Variants in C10orf90 observed in about 807,000 individuals in gnomAD.
C10orf90 encodes the protein chromosome 10 open reading frame 90.
A neutral mutation model predicts 62.5 loss-of-function variants in C10orf90; 56 were observed. The observed-to-expected ratio is 0.90, with a 90% confidence interval of 0.72 to 1.12. The LOEUF is 1.12. C10orf90 is among the 50% of genes most tolerant of loss of function. The pLI, the probability that C10orf90 is intolerant of heterozygous loss-of-function variation, is 0.00. For synonymous variants in C10orf90, 386 were observed against 340.4 expected, an observed-to-expected ratio of 1.13 and a Z score of -1.47; for missense variants, 970 against 880.4, an observed-to-expected ratio of 1.10 and a Z score of -1.29.
chr10:126,554,782 T>C (rs1039872525), intron 2 of C10orf90, among the ~76,000 whole-genome samples: 1 of 152,220 alleles, frequency 6.6e-6, no homozygotes, highest in African/African-American at 2.4e-5. Flanking sequence ...TCAAAGACGC[T>C]TTTATTCCAA....
intron 4 of C10orf90, among the ~76,000 whole-genome samples, chr10:126,498,439 C>T (rs1862195920): frequency 6.6e-6 from 1 of 152,194 alleles, no homozygotes; most frequent in Non-Finnish European, 1.5e-5. Context: ...CACTAGCCTC[C>T]TCATACGGGT....
At chr10:126,596,434 G>A (rs115931414) in intron 2 of C10orf90, among the ~76,000 whole-genome samples, 2,796 of 151,890 alleles carry the variant, frequency 0.018, 71 homozygotes, top group African/African-American at 0.062. Context: ...GCAAATATTT[G>A]CATTAAATAT....
intron 2 of C10orf90, among the ~76,000 whole-genome samples, chr10:126,525,412 G>A (rs1009724191): frequency 1.4e-4 from 21 of 152,192 alleles, no homozygotes; most frequent in African/African-American, 5.1e-4. Context: ...CAGCAACAAT[G>A]TGATTCTTGT....
chr10:126,644,935 G>T (rs1846137008), intron 2 of C10orf90, among the ~76,000 whole-genome samples: 1 of 152,152 alleles, frequency 6.6e-6, no homozygotes, highest in Non-Finnish European at 1.5e-5. Flanking sequence ...CTCACTACAG[G>T]CAATTTCTGG....
At chr10:126,526,680 A>G (rs1015118586) in intron 2 of C10orf90, among the ~76,000 whole-genome samples, 16 of 152,156 alleles carry the variant, frequency 1.1e-4, no homozygotes, top group Non-Finnish European at 2.2e-4. Context: ...GAACATTTTC[A>G]TCATCCCCAA....
intron 2 of C10orf90, among the ~76,000 whole-genome samples, chr10:126,629,595 A>C (rs537474100): frequency 2.0e-5 from 3 of 152,328 alleles, no homozygotes; most frequent in African/African-American, 7.2e-5. Flanking sequence ...GAAAGGGGGA[A>C]AGTTTTCAAA....
At chr10:126,569,127 G>T (rs537676686) in intron 2 of C10orf90, among the ~76,000 whole-genome samples, 2 of 152,086 alleles carry the variant, frequency 1.3e-5, no homozygotes, top group Admixed American at 6.5e-5. Context: ...GAGCAGTAGT[G>T]GGGGGTTTCA....
At chr10:126,448,017 CTTTTT>C (rs1186409126) in intron 7 of C10orf90, among the ~76,000 whole-genome samples, 2 of 79,214 alleles carry the variant, frequency 2.5e-5, no homozygotes, top group Admixed American at 1.6e-4. Flanking sequence ...ATGCCTGGCT[CTTTTT>C]TTTTTTTTTT....
chr10:126,549,957 CTT>C (rs1168153149), intron 2 of C10orf90, among the ~76,000 whole-genome samples: 11 of 117,352 alleles, frequency 9.4e-5, no homozygotes, highest in Admixed American at 4.3e-4. Flanking sequence ...GTAAAGCTTT[CTT>C]TTTTTTTTTT....
At chr10:126,647,318 A>G (rs1460266168) in intron 1 of C10orf90, among the ~76,000 whole-genome samples, 2 of 152,150 alleles carry the variant, frequency 1.3e-5, no homozygotes, top group African/African-American at 4.8e-5. Flanking sequence ...AACTGTCCTG[A>G]TGGTCCTGTC....
intron 3 of C10orf90, among the ~76,000 whole-genome samples, chr10:126,512,384 GTCTGTGTGTGTGTGTGTGTC>G (rs57381762): frequency 0.68 from 95,736 of 141,666 alleles, 31,456 homozygotes; most frequent in Middle Eastern, 0.74. Context: ...GTGTGTGTGT[GTCTGTGTGTGTGTGTGTGTC>G]TGTGTGTCTG....
intron 3 of C10orf90, among the ~76,000 whole-genome samples, chr10:126,505,911 G>C (rs1433549458): frequency 6.6e-6 from 1 of 152,164 alleles, no homozygotes; most frequent in Non-Finnish European, 1.5e-5. Context: ...CCAAGATTGT[G>C]CCATTGCACT....
intron 4 of C10orf90, among the ~76,000 whole-genome samples, chr10:126,493,921 A>C (rs753169831): frequency 6.6e-6 from 1 of 152,230 alleles, no homozygotes; most frequent in Admixed American, 6.5e-5. Flanking sequence ...ACACTGTGAC[A>C]TTCAATGGAC....
chr10:126,522,883 G>A (rs1863811272), intron 2 of C10orf90: 1 of 152,178 alleles, frequency 6.6e-6, no homozygotes. Context: ...AGCCTTGGAC[G>A]AGCCACGTAA....
intron 2 of C10orf90, among the ~76,000 whole-genome samples, chr10:126,578,469 C>T (rs1037246807): frequency 6.6e-6 from 1 of 152,140 alleles, no homozygotes; most frequent in Non-Finnish European, 1.5e-5. Context: ...TAAAAAGAAA[C>T]AGTTGGAAAA....
rs1489631046 is a variant in C10orf90 at position 126,504,483 on chromosome 10, TG to T, written c.1007del (p.Pro336HisfsTer29). ...DKETSFSPDT[P>X]LSGKSPLVFS... Reference sequence around the variant, plus strand: ...ACACCAGCGGGCTCTTTCCTGACAGTGGGGTGTCTGGAGAAAAACTGGTCTC... The same window carrying T: ...ACACCAGCGGGCTCTTTCCTGACAGTGGGTGTCTGGAGAAAAACTGGTCTC... On this transcript the variant is annotated frameshift_variant, in exon 4 of 10. Coordinates refer to ENST00000488181, the MANE Select transcript of C10orf90 (RefSeq NM_001350921.2). LOFTEE classifies it high-confidence loss of function. The surrounding 1 kb of genome is among the most constrained non-coding windows in gnomAD (Gnocchi z 4.1). The T allele has an allele frequency of 6.2e-7, 1 of 1,614,166 alleles. No homozygotes were observed. The highest frequency in any genetic ancestry group is 1.1e-5 in the South Asian group (1 of 91,080).
intron 4 of C10orf90, among the ~76,000 whole-genome samples, chr10:126,472,822 A>T (rs1030735464): frequency 4.0e-5 from 6 of 151,780 alleles, no homozygotes; most frequent in African/African-American, 1.5e-4. Context: ...GCAAGCATGC[A>T]TGTGTGTGTG....
At chr10:126,559,703 TA>T (rs1216590920) in intron 2 of C10orf90, among the ~76,000 whole-genome samples, 3 of 152,168 alleles carry the variant, frequency 2.0e-5, no homozygotes, top group Non-Finnish European at 2.9e-5. Context: ...AGCAGAAGCC[TA>T]ATCATTTAAA....
chr10:126,636,170 G>C (rs1845946804), intron 2 of C10orf90, among the ~76,000 whole-genome samples: 1 of 152,142 alleles, frequency 6.6e-6, no homozygotes, highest in Non-Finnish European at 1.5e-5. Flanking sequence ...ATTTGCAGCA[G>C]GACACGTGAC....
Sources: gnomAD v4.1 joint callset for allele counts (sites outside exome capture counted in the v4.1 genomes callset) on GRCh38, gnomAD v4.1.1 for gene constraint, Gnocchi (gnomAD v3.1) non-coding constraint, MANE v1.5 for transcripts, NCBI Gene and HGNC (gene_info 2026-07-23, HGNC 2026-07-21) for gene names.